The following EPB41L4A variants were observed in gnomAD, a reference collection of about 807,000 sequenced individuals.
EPB41L4A encodes the protein band 4.1-like protein 4A.
EPB41L4A carries 100 observed loss-of-function variants against 108.6 expected under a neutral mutation model. The observed-to-expected ratio is 0.92, with a 90% confidence interval of 0.78 to 1.09. EPB41L4A has a LOEUF of 1.09. Among genes scored for constraint, EPB41L4A ranks in the 50% least tolerant of loss-of-function variants. EPB41L4A has a pLI of 0.00. For missense variants in EPB41L4A, 1,030 were observed against 842.7 expected, an observed-to-expected ratio of 1.22 and a Z score of -2.75; for synonymous variants, 319 against 289.0, an observed-to-expected ratio of 1.10 and a Z score of -1.05.
At chr5:112,175,577 T>C (rs1760818631) in intron 18 of EPB41L4A, 2 of 152,154 alleles carry the variant, frequency 1.3e-5, no homozygotes. Flanking sequence ...TTACATATAC[T>C]GCAGTAGGAA....
intron 15 of EPB41L4A, among the ~76,000 whole-genome samples, chr5:112,201,435 C>T (rs924674460): frequency 6.6e-6 from 1 of 152,174 alleles, no homozygotes; most frequent in Non-Finnish European, 1.5e-5. Context: ...GTATATGCTG[C>T]AAACTATTTC....
At chr5:112,151,010 A>C (rs1164322418) in intron 12 of EPB41L4A, among the ~76,000 whole-genome samples, 1 of 152,154 alleles carries the variant, frequency 6.6e-6, no homozygotes, top group East Asian at 1.9e-4. Context: ...ATAAATTGCT[A>C]TTCATTATGT....
chr5:112,419,782 C>G (rs754646283), upstream of EPB41L4A: 3 of 456,626 alleles, frequency 6.6e-6, no homozygotes, highest in African/African-American at 6.0e-5. Context: ...GGGAGGTCAG[C>G]TCGTCGCGGG....
At chr5:112,197,833 GTA>G (rs1297365868) in intron 15 of EPB41L4A, among the ~76,000 whole-genome samples, 3 of 152,272 alleles carry the variant, frequency 2.0e-5, no homozygotes, top group East Asian at 3.9e-4. Flanking sequence ...TTGGTAAAGT[GTA>G]TCTTTTAGTT....
chr5:112,165,482 CCT>C (rs1431046461), intron 22 of EPB41L4A, among the ~76,000 whole-genome samples: 14 of 152,262 alleles, frequency 9.2e-5, no homozygotes, highest in South Asian at 6.2e-4. Context: ...TTTATAATCC[CCT>C]GATTATATTT....
intron 20 of EPB41L4A, among the ~76,000 whole-genome samples, chr5:112,169,735 G>T (rs1254905657): frequency 6.6e-6 from 1 of 152,124 alleles, no homozygotes; most frequent in Non-Finnish European, 1.5e-5. Context: ...AGGGTGGCTG[G>T]GGTGTACCAA....
chr5:112,165,002 C>CT lies in EPB41L4A; in HGVS notation c.2048dup (p.Thr684AspfsTer12), dbSNP rs771699308. 6.2e-7 allele frequency: 1 copy of CT among 1,613,596 alleles called. No homozygotes were observed. The highest frequency in any genetic ancestry group is 8.5e-7 in the Non-Finnish European group (1 of 1,179,880). On this transcript the variant is annotated frameshift_variant, in exon 23 of 23. Coordinates refer to ENST00000261486, the MANE Select transcript of EPB41L4A (RefSeq NM_022140.5). LOFTEE classifies it high-confidence loss of function. Reference sequence around the variant, plus strand: ...CCCTTCATCAGGATCAAGTCTCTGTCTTGAGGCGGGAAGCTTGTATAGTTT... The same window carrying CT: ...CCCTTCATCAGGATCAAGTCTCTGTCTTTGAGGCGGGAAGCTTGTATAGTTT...
At chr5:112,340,856 T>C (rs1026405680) in intron 1 of EPB41L4A, among the ~76,000 whole-genome samples, 1 of 152,182 alleles carries the variant, frequency 6.6e-6, no homozygotes, top group Non-Finnish European at 1.5e-5. Context: ...ATTGTAAACA[T>C]AAATATATTT....
intron 16 of EPB41L4A, 115 bp downstream of exon 16, chr5:112,195,546 T>A: frequency 1.2e-6 from 1 of 866,548 alleles, no homozygotes; most frequent in Non-Finnish European, 1.8e-6. Flanking sequence ...AACTGGCTTT[T>A]GAAAGTAAAA....
At chr5:112,376,748 C>A (rs1386834659) in intron 1 of EPB41L4A, among the ~76,000 whole-genome samples, 3 of 152,124 alleles carry the variant, frequency 2.0e-5, no homozygotes, top group Non-Finnish European at 4.4e-5. Context: ...ACTGCTGACA[C>A]ATGGAACCAA....
At chr5:112,217,095 C>T (rs1747701241) in intron 12 of EPB41L4A, among the ~76,000 whole-genome samples, 1 of 151,970 alleles carries the variant, frequency 6.6e-6, no homozygotes, top group African/African-American at 2.4e-5. Context: ...CAGGCACCCA[C>T]CATCATGCCC....
At chr5:112,255,856 T>A (rs79914694) in intron 9 of EPB41L4A, among the ~76,000 whole-genome samples, 8,418 of 152,232 alleles carry the variant, frequency 0.055, 314 homozygotes, top group Middle Eastern at 0.095. Context: ...AAATTCAACA[T>A]GTTCAAAACG....
At chr5:112,231,646 G>T (rs535775273) in intron 12 of EPB41L4A, among the ~76,000 whole-genome samples, 16 of 151,258 alleles carry the variant, frequency 1.1e-4, no homozygotes, top group African/African-American at 3.9e-4. Context: ...GTAGCCGGGC[G>T]CGGTGGCGGG....
At chr5:112,201,953 A>G (rs1460035751) in intron 15 of EPB41L4A, among the ~76,000 whole-genome samples, 2 of 152,130 alleles carry the variant, frequency 1.3e-5, no homozygotes, top group Non-Finnish European at 2.9e-5. Flanking sequence ...GGTGGGCTGA[A>G]TATTTTTCAT....
intron 12 of EPB41L4A, among the ~76,000 whole-genome samples, chr5:112,227,236 T>C (rs1046972689): frequency 1.3e-5 from 2 of 152,200 alleles, no homozygotes; most frequent in African/African-American, 4.8e-5. Flanking sequence ...CCTCTCACTG[T>C]ACTTGAATGG....
At chr5:112,345,776 TATATACACACACACACACACAC>T (rs1334437608) in intron 1 of EPB41L4A, among the ~76,000 whole-genome samples, 36 of 39,720 alleles carry the variant, frequency 9.1e-4, no homozygotes, top group African/African-American at 2.8e-3. Context: ...TACATATATA[TATATACACACACACACACACAC>T]ACACACACAC....
intron 12 of EPB41L4A, among the ~76,000 whole-genome samples, chr5:112,229,436 T>C (rs1002505078): frequency 2.6e-5 from 4 of 152,154 alleles, no homozygotes; most frequent in Non-Finnish European, 5.9e-5. Context: ...TCAATAGTTT[T>C]AGGGGAACAG....
chr5:112,185,034 G>A (rs1472725031), intron 17 of EPB41L4A, among the ~76,000 whole-genome samples: 1 of 150,948 alleles, frequency 6.6e-6, no homozygotes, highest in Non-Finnish European at 1.5e-5. Flanking sequence ...CAGGAGAGAA[G>A]AAGTACTTAA....
chr5:112,200,484 C>T (rs1018716249), intron 15 of EPB41L4A, among the ~76,000 whole-genome samples: 1 of 152,146 alleles, frequency 6.6e-6, no homozygotes, highest in African/African-American at 2.4e-5. Context: ...ATTAAAGTCA[C>T]AATGGCACAT....
Sources: allele counts gnomAD v4.1 joint callset (sites outside exome capture counted in the v4.1 genomes callset), GRCh38; gene constraint gnomAD v4.1.1; transcripts MANE v1.5; gene names NCBI Gene and HGNC (gene_info 2026-07-23, HGNC 2026-07-21).